The following EXOC4 variants were observed in gnomAD, a reference collection of about 807,000 sequenced individuals.
The protein encoded by EXOC4 is exocyst complex component 4.
Under a neutral mutation model 107.2 loss-of-function variants are expected in EXOC4, and 71 were observed. The ratio of observed to expected loss-of-function variants is 0.66; its 90% CI spans 0.55 to 0.81. The LOEUF is 0.81. Among genes scored for constraint, EXOC4 ranks in the 30% least tolerant of loss-of-function variants. EXOC4 has a pLI of 0.00. For synonymous variants in EXOC4, 456 were observed against 441.2 expected (o/e 1.03, Z -0.42); for missense variants, 1,108 against 1,189.6 (o/e 0.93, Z 1.01).
rs139448567 is a variant in EXOC4, at chr7:133,371,186, G to T, written c.1008-3642G>T. ...ATTTCCTCTTCAGTGCTAGAGAGGT[G>T]TTGGATCTTCACTCTCCCCACTCAG... On this transcript the variant is annotated intron_variant, in intron 6 of 17. Coordinates refer to ENST00000253861, the MANE Select transcript of EXOC4 (RefSeq NM_021807.4). Among the ~76,000 whole-genome samples, 166 of 152,250 alleles carry T rather than the reference G, an allele frequency of 1.1e-3. 2 individuals carry two copies. Among genetic ancestry groups the T allele is most frequent in the Admixed American group, 0.01 (156 of 15,280 alleles).
chr7:133,817,755 C>T (rs561966039), intron 11 of EXOC4, among the ~76,000 whole-genome samples: 7 of 149,792 alleles, frequency 4.7e-5, no homozygotes, highest in East Asian at 2.0e-4. Flanking sequence ...AAAAAAAAAA[C>T]GGTTAGCTTT....
intron 10 of EXOC4, among the ~76,000 whole-genome samples, chr7:133,782,538 G>C (rs1209159991): frequency 6.6e-6 from 1 of 152,144 alleles, no homozygotes; most frequent in Non-Finnish European, 1.5e-5. Flanking sequence ...GATCAGGCAG[G>C]CTGAAAGCTG....
At chr7:133,620,168 G>A (rs952426304) in intron 9 of EXOC4, among the ~76,000 whole-genome samples, 4 of 151,924 alleles carry the variant, frequency 2.6e-5, no homozygotes, top group Admixed American at 6.6e-5. Flanking sequence ...GACCACAAGC[G>A]TGCATCACCA....
intron 14 of EXOC4, among the ~76,000 whole-genome samples, chr7:133,989,020 G>C (rs756481309): frequency 6.3e-4 from 96 of 152,298 alleles, no homozygotes; most frequent in Middle Eastern, 3.4e-3. Context: ...CAGGTAAGAA[G>C]CAGAGACACC....
At chr7:134,024,450 C>A (rs79386574) in intron 17 of EXOC4, among the ~76,000 whole-genome samples, 68 of 134,842 alleles carry the variant, frequency 5.0e-4, no homozygotes, top group African/African-American at 7.5e-4. Context: ...GACTCCATCT[C>A]AAAAAAAAAA....
At chr7:134,060,536 ATGAAGACC>A (rs1796032758) in intron 17 of EXOC4, among the ~76,000 whole-genome samples, 1 of 152,228 alleles carries the variant, frequency 6.6e-6, no homozygotes, top group Non-Finnish European at 1.5e-5. Context: ...ATGCTCGATG[ATGAAGACC>A]AAGCTTTCAA....
chr7:133,575,275 T>A (rs1801104518), intron 9 of EXOC4, among the ~76,000 whole-genome samples: 1 of 152,204 alleles, frequency 6.6e-6, no homozygotes, highest in South Asian at 2.1e-4. Flanking sequence ...TTCTATATAC[T>A]GTATACTTCA....
At chr7:133,290,472 A>G (rs1794378988) in intron 3 of EXOC4, among the ~76,000 whole-genome samples, 1 of 152,262 alleles carries the variant, frequency 6.6e-6, no homozygotes, top group African/African-American at 2.4e-5. Flanking sequence ...ATGAATGCAT[A>G]CTTGTCCTAT....
chr7:133,852,345 C>T (rs945671780), intron 11 of EXOC4, among the ~76,000 whole-genome samples: 1 of 151,900 alleles, frequency 6.6e-6, no homozygotes, highest in Admixed American at 6.6e-5. Flanking sequence ...GCCTCAGCCT[C>T]CCGAGTAGCT....
intron 10 of EXOC4, among the ~76,000 whole-genome samples, chr7:133,792,311 G>A (rs376974206): frequency 1.5e-4 from 23 of 152,164 alleles, no homozygotes; most frequent in Admixed American, 9.8e-4. Context: ...TCAGCACTTC[G>A]GGAGGCCAAG....
At chr7:133,263,037 C>T (rs1326582778) in intron 1 of EXOC4, among the ~76,000 whole-genome samples, 1 of 152,220 alleles carries the variant, frequency 6.6e-6, no homozygotes, top group Admixed American at 6.5e-5. Context: ...CACAAGCTCT[C>T]TCTTGCCTGC....
intron 10 of EXOC4, among the ~76,000 whole-genome samples, chr7:133,657,090 A>G (rs994115912): frequency 3.9e-5 from 6 of 152,184 alleles, no homozygotes; most frequent in Non-Finnish European, 7.4e-5. Context: ...TTGAGGCATG[A>G]CTAAGAAAAA....
At chr7:133,458,004 A>G (rs911036658) in intron 7 of EXOC4, among the ~76,000 whole-genome samples, 1 of 152,226 alleles carries the variant, frequency 6.6e-6, no homozygotes, top group African/African-American at 2.4e-5. Flanking sequence ...AATTAGAAGT[A>G]TAATCAGAGA....
chr7:133,997,556 G>T lies in EXOC4; in HGVS notation c.2271G>T (p.Met757Ile), dbSNP rs2116285394. 6.2e-7 allele frequency: 1 copy of T among 1,613,736 alleles called. No individual in the cohort carries two copies. The highest frequency in any genetic ancestry group is 8.5e-7 in the Non-Finnish European group (1 of 1,179,790). ...TDLPPVSEQI[M>I]QTLSELAKSF... ...TCCCCCCAGTGTCAGAGCAGATCAT[G>T]CAGACTCTCAGTGAACTTGCCAAAT... Residue 757 changes from methionine to isoleucine, a missense_variant, in exon 15 of 18, where the codon ATG becomes ATT. Met to Ile is a conservative substitution (Grantham distance 10). Coordinates refer to ENST00000253861, the MANE Select transcript of EXOC4 (RefSeq NM_021807.4).
chr7:133,660,878 A>G (rs1048618223), intron 10 of EXOC4, among the ~76,000 whole-genome samples: 23 of 152,150 alleles, frequency 1.5e-4, no homozygotes, highest in Non-Finnish European at 4.4e-5. Flanking sequence ...TCACTGATTA[A>G]GCACTTGCTG....
At chr7:133,398,601 T>C (rs1797023094) in intron 7 of EXOC4, among the ~76,000 whole-genome samples, 1 of 152,234 alleles carries the variant, frequency 6.6e-6, no homozygotes. Flanking sequence ...TAACTTTCCT[T>C]TCCAGGCACT....
intron 9 of EXOC4, among the ~76,000 whole-genome samples, chr7:133,595,592 C>G (rs1380091092): frequency 6.6e-6 from 1 of 152,168 alleles, no homozygotes; most frequent in Non-Finnish European, 1.5e-5. Flanking sequence ...TGTGCATGAT[C>G]TCATTTAATC....
intron 9 of EXOC4, among the ~76,000 whole-genome samples, chr7:133,608,001 T>C (rs1274903421): frequency 6.6e-6 from 1 of 152,164 alleles, no homozygotes; most frequent in Non-Finnish European, 1.5e-5. Context: ...CAGTTGTAAA[T>C]AGAGTTAGAA....
chr7:133,924,293 A>G (rs376431579), intron 13 of EXOC4, among the ~76,000 whole-genome samples: 4 of 152,316 alleles, frequency 2.6e-5, no homozygotes, highest in African/African-American at 9.6e-5. Flanking sequence ...ATTTTAAATG[A>G]CTAAATATCT....
Sources: allele counts gnomAD v4.1 joint callset (sites outside exome capture counted in the v4.1 genomes callset), GRCh38; gene constraint gnomAD v4.1.1; transcripts MANE v1.5; gene names NCBI Gene and HGNC (gene_info 2026-07-23, HGNC 2026-07-21).